SCFD2: variants seen among roughly 807,000 people sequenced by gnomAD.
SCFD2 encodes sec1 family domain-containing protein 2.
A neutral mutation model predicts 58.9 loss-of-function variants in SCFD2; 54 were observed. The observed-to-expected ratio is 0.92, with a 90% CI of 0.74 to 1.15. The LOEUF (loss-of-function observed/expected upper bound fraction) is 1.15, where lower values mean the gene tolerates loss of function less well. Ranked by LOEUF, SCFD2 falls within the 50% of genes most tolerant of loss-of-function variation. SCFD2 has a pLI of 0.00. For missense variants in SCFD2, 805 were observed against 836.6 expected, an observed-to-expected ratio of 0.96 and a Z score of 0.47; for synonymous variants, 321 against 335.9, an observed-to-expected ratio of 0.96 and a Z score of 0.49.
intron 5 of SCFD2, among the ~76,000 whole-genome samples, chr4:52,960,268 C>T (rs1352932967): frequency 6.6e-6 from 1 of 152,148 alleles, no homozygotes; most frequent in Non-Finnish European, 1.5e-5. Context: ...GAGGCCTCAA[C>T]TCTGGCTACC....
At chr4:53,050,852 T>C (rs1191807134) in intron 5 of SCFD2, among the ~76,000 whole-genome samples, 24 of 152,188 alleles carry the variant, frequency 1.6e-4, no homozygotes, top group Admixed American at 1.6e-3. Context: ...CCAGTGCCCC[T>C]TCTTGCTTCC....
chr4:52,958,702 G>A (rs1720768631), intron 5 of SCFD2, among the ~76,000 whole-genome samples: 1 of 152,106 alleles, frequency 6.6e-6, no homozygotes, highest in African/African-American at 2.4e-5. Flanking sequence ...AGAAATACGG[G>A]AGGAAACGTG....
At chr4:53,195,603 G>A (rs1192660025) in intron 4 of SCFD2, among the ~76,000 whole-genome samples, 4 of 152,108 alleles carry the variant, frequency 2.6e-5, no homozygotes, top group Non-Finnish European at 5.9e-5. Context: ...TTTAAAATAA[G>A]CTTACATTTG....
At chr4:53,138,950 C>T (rs1301916122) in intron 5 of SCFD2, among the ~76,000 whole-genome samples, 1 of 151,136 alleles carries the variant, frequency 6.6e-6, no homozygotes, top group Non-Finnish European at 1.5e-5. Flanking sequence ...GCCGCCATCT[C>T]GGCTCACTGC....
intron 5 of SCFD2, among the ~76,000 whole-genome samples, chr4:53,124,011 C>A (rs574077998): frequency 2.8e-4 from 42 of 152,196 alleles, no homozygotes; most frequent in African/African-American, 1.0e-3. Context: ...AAGCAAGAGT[C>A]CAAAGGCTTT....
chr4:52,907,601 C>A lies in SCFD2; in HGVS notation c.1708-10G>T. 1.2e-6 allele frequency: 2 copies of A among 1,613,648 alleles called. No homozygotes were observed. The highest frequency in any genetic ancestry group is 1.7e-6 in the Non-Finnish European group (2 of 1,179,762). ...ATGGCTTATAAGATGCCTGGAAAGA[C>A]AAAATACTATGAGTAAAGGGATTGT... On this transcript the variant is annotated splice_polypyrimidine_tract_variant and intron_variant, in intron 6 of 8. Coordinates refer to ENST00000401642, the MANE Select transcript of SCFD2 (RefSeq NM_152540.4).
chr4:53,081,155 G>A (rs751550002), intron 5 of SCFD2, among the ~76,000 whole-genome samples: 12 of 152,222 alleles, frequency 7.9e-5, no homozygotes, highest in Middle Eastern at 3.4e-3. Flanking sequence ...ATCTTAGTGT[G>A]TGTGTTTGCA....
At chr4:53,015,089 C>T (rs1035545162) in intron 5 of SCFD2, among the ~76,000 whole-genome samples, 2 of 152,156 alleles carry the variant, frequency 1.3e-5, no homozygotes, top group African/African-American at 4.8e-5. Flanking sequence ...GGAGAAAAGG[C>T]ACTGTGTTAA....
At position 53,365,746 on chromosome 4, in the gene SCFD2, C is replaced by T; in HGVS notation, c.196G>A (p.Gly66Ser). 6.2e-7 allele frequency: 1 copy of T among 1,613,950 alleles called. No homozygotes were observed. The highest frequency in any genetic ancestry group is 8.5e-7 in the Non-Finnish European group (1 of 1,179,902). Residue 66 changes from glycine to serine, a missense_variant, in exon 1 of 9, where the codon GGT becomes AGT. Coordinates refer to ENST00000401642, the MANE Select transcript of SCFD2 (RefSeq NM_152540.4). This position sits in a 1 kb window ranked among gnomAD's most constrained non-coding sequence, Gnocchi z 4.3. ...LREFEPDAIG[G>S]GAKQPKAVFV... ...ACTGCCTTGGGCTGCTTGGCTCCAC[C>T]ACCAATTGCGTCGGGCTCGAACTCT...
At chr4:52,980,702 T>C (rs916935564) in intron 5 of SCFD2, among the ~76,000 whole-genome samples, 1 of 152,326 alleles carries the variant, frequency 6.6e-6, no homozygotes, top group African/African-American at 2.4e-5. Context: ...TTTCTCTGCA[T>C]ACCAGAATCC....
At chr4:52,892,436 A>C (rs542960495) in intron 7 of SCFD2, among the ~76,000 whole-genome samples, 89 of 152,180 alleles carry the variant, frequency 5.8e-4, no homozygotes, top group Non-Finnish European at 1.0e-3. Flanking sequence ...ATGGCACTTC[A>C]GTGTTTCTGG....
At chr4:53,212,254 T>C (rs151084684) in intron 4 of SCFD2, among the ~76,000 whole-genome samples, 156 of 152,064 alleles carry the variant, frequency 1.0e-3, no homozygotes, top group African/African-American at 3.5e-3. Context: ...AAGTTAACCA[T>C]ACATTATAGC....
intron 6 of SCFD2, among the ~76,000 whole-genome samples, chr4:52,919,226 C>T (rs1481595233): frequency 1.3e-5 from 2 of 152,090 alleles, no homozygotes; most frequent in Non-Finnish European, 2.9e-5. Context: ...ATGGGAAAGA[C>T]CTCATTCATT....
chr4:53,012,412 T>C (rs1722116624), intron 5 of SCFD2, among the ~76,000 whole-genome samples: 1 of 150,940 alleles, frequency 6.6e-6, no homozygotes, highest in Non-Finnish European at 1.5e-5. Flanking sequence ...GGCAGGGAAG[T>C]GGAGGCAGAG....
intron 5 of SCFD2, among the ~76,000 whole-genome samples, chr4:53,039,003 T>C (rs1339277284): frequency 6.6e-6 from 1 of 152,168 alleles, no homozygotes; most frequent in Non-Finnish European, 1.5e-5. Context: ...AGTATTTTAA[T>C]ACCGACAAAA....
rs548338741 is a variant in SCFD2, at chr4:53,214,152, C to A, written c.1311+59674G>T. Among the ~76,000 whole-genome samples, 365 of 152,146 alleles carry A rather than the reference C, an allele frequency of 2.4e-3. 4 individuals carry two copies. The highest frequency in any genetic ancestry group is 8.1e-3 in the African/African-American group (336 of 41,474). ...TGTCTTTATAGCAGCATGATATATA[C>A]TCCTTTGGGTATATACCCAGTAATG... On this transcript the variant is annotated intron_variant, in intron 4 of 8. Transcript: ENST00000401642.
intron 5 of SCFD2, among the ~76,000 whole-genome samples, chr4:53,104,012 G>A (rs1422647478): frequency 6.6e-6 from 1 of 151,748 alleles, no homozygotes; most frequent in Non-Finnish European, 1.5e-5. Context: ...AATAAAGGGA[G>A]AAGAGAAAAC....
chr4:52,888,379 C>T (rs1462622722), intron 7 of SCFD2, among the ~76,000 whole-genome samples: 2 of 152,152 alleles, frequency 1.3e-5, no homozygotes, highest in African/African-American at 4.8e-5. Context: ...AGTTTCAAAA[C>T]ACTCTCATCT....
intron 5 of SCFD2, among the ~76,000 whole-genome samples, chr4:52,973,557 C>CAGA (rs1721168594): frequency 6.6e-6 from 1 of 152,104 alleles, no homozygotes; most frequent in Non-Finnish European, 1.5e-5. Flanking sequence ...ACTCCAGGAC[C>CAGA]AGAAGGATTC....
Sources: gnomAD v4.1 joint callset for allele counts (sites outside exome capture counted in the v4.1 genomes callset) on GRCh38, gnomAD v4.1.1 for gene constraint, Gnocchi (gnomAD v3.1) non-coding constraint, MANE v1.5 for transcripts, NCBI Gene and HGNC (gene_info 2026-07-23, HGNC 2026-07-21) for gene names.